Variants in MEF2A observed in about 807,000 individuals in gnomAD.
MEF2A encodes myocyte enhancer factor 2A.
Under a neutral mutation model 55.8 loss-of-function variants are expected in MEF2A, and 28 were observed. The observed-to-expected ratio is 0.50, with a 90% confidence interval of 0.37 to 0.69. The LOEUF is 0.69. Ranked by LOEUF, MEF2A falls within the 30% of genes least tolerant of loss-of-function variation. The pLI is 0.00. For synonymous variants in MEF2A, 239 were observed against 227.1 expected (o/e 1.05, Z -0.47); for missense variants, 528 against 626.2 (o/e 0.84, Z 1.67).
At chr15:99,647,565 AT>A (rs1014820006) in intron 4 of MEF2A, among the ~76,000 whole-genome samples, 21 of 152,114 alleles carry the variant, frequency 1.4e-4, no homozygotes, top group African/African-American at 5.1e-4. Context: ...TCCTCATAGA[AT>A]TTTCAGACTA....
At chr15:99,587,669 T>G (rs1011901998) in intron 1 of MEF2A, among the ~76,000 whole-genome samples, 2 of 152,158 alleles carry the variant, frequency 1.3e-5, no homozygotes, top group African/African-American at 4.8e-5. Flanking sequence ...TGTTGTTAAA[T>G]TTGTCTTTAA....
intron 1 of MEF2A, among the ~76,000 whole-genome samples, chr15:99,574,283 C>G (rs1226397474): frequency 6.6e-6 from 1 of 152,152 alleles, no homozygotes; most frequent in Non-Finnish European, 1.5e-5. Context: ...CCTAGAGCAG[C>G]TATTACCAGC....
chr15:99,608,593 A>G (rs1184587536), intron 2 of MEF2A, among the ~76,000 whole-genome samples: 1 of 152,196 alleles, frequency 6.6e-6, no homozygotes, highest in Admixed American at 6.6e-5. Flanking sequence ...TAAGAAGTAA[A>G]CACATGATAA....
chr15:99,660,330 A>C lies in MEF2A; in HGVS notation c.259-10993A>C, dbSNP rs140188769. On this transcript the variant is annotated intron_variant, in intron 4 of 11. Coordinates refer to ENST00000557942, the MANE Select transcript of MEF2A (RefSeq NM_001319206.4). ...ATTTTCAGAATGACCCATTTTCTCT[A>C]CTGTTTGGGCACAAAACTAGACTCT... Among the ~76,000 whole-genome samples the C allele has an allele frequency of 3.6e-3, 554 of 152,182 alleles. 5 individuals are homozygous for C. Among genetic ancestry groups the C allele is most frequent in the African/African-American group, 0.013 (531 of 41,498 alleles).
At chr15:99,568,200 T>TG (rs1434054367) in intron 1 of MEF2A, among the ~76,000 whole-genome samples, 5 of 152,238 alleles carry the variant, frequency 3.3e-5, no homozygotes, top group African/African-American at 9.6e-5. Flanking sequence ...TGGGGGGTGT[T>TG]CAGTGGAAGG....
At chr15:99,675,712 C>T (rs1159108109) in intron 7 of MEF2A, among the ~76,000 whole-genome samples, 1 of 152,174 alleles carries the variant, frequency 6.6e-6, no homozygotes, top group Non-Finnish European at 1.5e-5. Flanking sequence ...AATGGTGGGT[C>T]TATCTACTTC....
intron 1 of MEF2A, among the ~76,000 whole-genome samples, chr15:99,595,772 G>A (rs926620604): frequency 1.3e-5 from 2 of 152,160 alleles, no homozygotes; most frequent in East Asian, 1.9e-4. Context: ...TGAAGTGTAC[G>A]TTTGATCTAT....
intron 2 of MEF2A, among the ~76,000 whole-genome samples, chr15:99,615,948 T>C (rs1240670412): frequency 6.6e-6 from 1 of 152,176 alleles, no homozygotes; most frequent in Non-Finnish European, 1.5e-5. Flanking sequence ...AATAGCTATT[T>C]AGTGGAACTT....
At chr15:99,601,848 TGTGTGTGTGTCA>T (rs1171360472) in intron 2 of MEF2A, among the ~76,000 whole-genome samples, 2 of 49,112 alleles carry the variant, frequency 4.1e-5, no homozygotes, top group South Asian at 9.4e-4. Context: ...TGTGTGTGTG[TGTGTGTGTGTCA>T]GGGTAATGCT....
intron 4 of MEF2A, among the ~76,000 whole-genome samples, chr15:99,661,219 T>G (rs1406182153): frequency 1.3e-5 from 2 of 152,136 alleles, no homozygotes; most frequent in Non-Finnish European, 2.9e-5. Flanking sequence ...CAAAATTACC[T>G]CCAGGATGCT....
intron 1 of MEF2A, among the ~76,000 whole-genome samples, chr15:99,568,271 G>C (rs1198315159): frequency 6.6e-6 from 1 of 152,144 alleles, no homozygotes; most frequent in Non-Finnish European, 1.5e-5. Context: ...TATGGTTTGA[G>C]AATAATTTCC....
At chr15:99,640,947 A>G (rs2044791337) in intron 3 of MEF2A, among the ~76,000 whole-genome samples, 1 of 152,000 alleles carries the variant, frequency 6.6e-6, no homozygotes, top group Non-Finnish European at 1.5e-5. Context: ...GAGGCTGCAT[A>G]TTGGTTTTTT....
intron 2 of MEF2A, among the ~76,000 whole-genome samples, chr15:99,628,471 C>G (rs2042388634): frequency 6.6e-6 from 1 of 152,006 alleles, no homozygotes; most frequent in Non-Finnish European, 1.5e-5. Context: ...AATCTGTCAT[C>G]TCTGTTTGCT....
intron 1 of MEF2A, among the ~76,000 whole-genome samples, chr15:99,586,420 T>C (rs1202617255): frequency 6.6e-6 from 1 of 152,226 alleles, no homozygotes; most frequent in Non-Finnish European, 1.5e-5. Flanking sequence ...CTCCACTTCT[T>C]TGATGACTAA....
chr15:99,595,794 A>G (rs549161165), intron 1 of MEF2A, among the ~76,000 whole-genome samples: 1 of 152,188 alleles, frequency 6.6e-6, no homozygotes, highest in Non-Finnish European at 1.5e-5. Flanking sequence ...TAAGAGACAC[A>G]GGGGAAAGTT....
intron 1 of MEF2A, among the ~76,000 whole-genome samples, chr15:99,583,981 TATA>T (rs1966655623): frequency 1.3e-5 from 2 of 152,174 alleles, no homozygotes; most frequent in Non-Finnish European, 2.9e-5. Context: ...CTATATTTGG[TATA>T]GCCTATTGCT....
At chr15:99,648,193 C>T (rs1231098350) in intron 4 of MEF2A, among the ~76,000 whole-genome samples, 1 of 151,918 alleles carries the variant, frequency 6.6e-6, no homozygotes, top group Non-Finnish European at 1.5e-5. Flanking sequence ...CCATTTTTTC[C>T]TTTTCACAGT....
At chr15:99,672,196 T>C (rs2051024963) in intron 5 of MEF2A, among the ~76,000 whole-genome samples, 1 of 152,260 alleles carries the variant, frequency 6.6e-6, no homozygotes, top group Non-Finnish European at 1.5e-5. Flanking sequence ...CTTTGCAGTT[T>C]GTAAATGTCC....
chr15:99,673,239 C>T (rs1171061309), intron 5 of MEF2A, among the ~76,000 whole-genome samples: 1 of 152,078 alleles, frequency 6.6e-6, no homozygotes. Context: ...AAAAAATAGC[C>T]TTAAGGAGTT....
Sources: gnomAD v4.1 joint callset for allele counts (sites outside exome capture counted in the v4.1 genomes callset) on GRCh38, gnomAD v4.1.1 for gene constraint, MANE v1.5 for transcripts, NCBI Gene and HGNC (gene_info 2026-07-23, HGNC 2026-07-21) for gene names.